Variants in ZNF385D observed in about 807,000 individuals in gnomAD.
ZNF385D encodes the protein zinc finger protein 385D, also known as zinc finger protein 659.
ZNF385D carries 15 observed loss-of-function variants against 35.8 expected under a neutral mutation model. That is an observed-to-expected ratio of 0.42 (90% CI 0.28 to 0.64). ZNF385D has a LOEUF of 0.64. ZNF385D is among the 30% of genes least tolerant of loss of function. ZNF385D has a pLI of 0.23. For synonymous variants in ZNF385D, 212 were observed against 186.8 expected (o/e 1.13, Z -1.10); for missense variants, 474 against 494.6 (o/e 0.96, Z 0.39).
chr3:21,776,597 G>A (rs1575630699), intron 3 of ZNF385D, among the ~76,000 whole-genome samples: 1 of 151,796 alleles, frequency 6.6e-6, no homozygotes, highest in African/African-American at 2.4e-5. Flanking sequence ...TTCTATTGAT[G>A]ATCATGTTTA....
intron 2 of ZNF385D, among the ~76,000 whole-genome samples, chr3:21,632,990 C>A (rs570267678): frequency 2.2e-4 from 34 of 151,948 alleles, no homozygotes; most frequent in Non-Finnish European, 4.4e-5. Flanking sequence ...ACATTTACTT[C>A]GAACAAATCT....
At chr3:21,602,679 C>T (rs984474066) in intron 2 of ZNF385D, among the ~76,000 whole-genome samples, 108 of 149,976 alleles carry the variant, frequency 7.2e-4, no homozygotes, top group African/African-American at 2.6e-3. Context: ...ACTACAGGCG[C>T]CCGCCACCGC....
At chr3:22,113,701 C>CA (rs946114219) in intron 3 of ZNF385D, among the ~76,000 whole-genome samples, 48 of 151,956 alleles carry the variant, frequency 3.2e-4, no homozygotes, top group Admixed American at 1.1e-3. Flanking sequence ...TGACCAAATA[C>CA]AAAAAAGATA....
intron 2 of ZNF385D, among the ~76,000 whole-genome samples, chr3:22,255,406 A>G (rs537352625): frequency 4.6e-5 from 7 of 151,974 alleles, no homozygotes; most frequent in African/African-American, 1.7e-4. Context: ...CAGATATGAA[A>G]TAACTTACTT....
intron 1 of ZNF385D, among the ~76,000 whole-genome samples, chr3:21,687,130 G>C (rs554929216): frequency 3.9e-5 from 6 of 152,240 alleles, no homozygotes; most frequent in African/African-American, 1.4e-4. Context: ...GAGAGTAAGA[G>C]GTTATACAAA....
At chr3:22,296,038 A>T (rs765526970) in intron 2 of ZNF385D, among the ~76,000 whole-genome samples, 1 of 152,174 alleles carries the variant, frequency 6.6e-6, no homozygotes, top group Non-Finnish European at 1.5e-5. Context: ...TGGCCCAGGG[A>T]AAAAGTACAA....
chr3:22,043,990 G>C (rs1293046906), intron 3 of ZNF385D, among the ~76,000 whole-genome samples: 1 of 151,972 alleles, frequency 6.6e-6, no homozygotes, highest in African/African-American at 2.4e-5. Context: ...AGGAACATTA[G>C]GTAGAAGTGA....
At chr3:21,595,945 A>G (rs895092619) in intron 2 of ZNF385D, among the ~76,000 whole-genome samples, 1 of 152,228 alleles carries the variant, frequency 6.6e-6, no homozygotes, top group African/African-American at 2.4e-5. Context: ...CTAAAACAAA[A>G]AAAGCACAAT....
At chr3:21,686,894 T>C (rs2067122278) in intron 1 of ZNF385D, among the ~76,000 whole-genome samples, 1 of 152,212 alleles carries the variant, frequency 6.6e-6, no homozygotes, top group Admixed American at 6.5e-5. Flanking sequence ...ACAAGTTAAA[T>C]ACAGCCACTA....
At chr3:21,848,723 A>G (rs1235099529) in intron 3 of ZNF385D, among the ~76,000 whole-genome samples, 1 of 152,086 alleles carries the variant, frequency 6.6e-6, no homozygotes, top group African/African-American at 2.4e-5. Flanking sequence ...ATAACTAGTA[A>G]GGAAACTGAA....
At chr3:21,770,304 C>G (rs1196913336) in intron 3 of ZNF385D, among the ~76,000 whole-genome samples, 2 of 152,094 alleles carry the variant, frequency 1.3e-5, no homozygotes, top group Non-Finnish European at 2.9e-5. Context: ...AACAGGCAAC[C>G]TACAGAATGG....
intron 4 of ZNF385D, among the ~76,000 whole-genome samples, chr3:21,490,407 C>T (rs981368527): frequency 6.6e-6 from 1 of 152,214 alleles, no homozygotes; most frequent in Middle Eastern, 3.4e-3. Context: ...AGGTTTAATT[C>T]CCACCTCACG....
At chr3:21,488,364 C>T (rs1575032742) in intron 4 of ZNF385D, among the ~76,000 whole-genome samples, 1 of 144,446 alleles carries the variant, frequency 6.9e-6, no homozygotes, top group East Asian at 2.1e-4. Context: ...CACACACACA[C>T]ATACACTTGG....
intron 2 of ZNF385D, among the ~76,000 whole-genome samples, chr3:22,302,423 A>G (rs527705716): frequency 1.3e-5 from 2 of 151,688 alleles, no homozygotes; most frequent in African/African-American, 2.4e-5. Context: ...TATGCAATTT[A>G]TTTTCCTCTT....
rs62239208 is a variant in ZNF385D at position 21,819,413 on chromosome 3, G to A, written c.326-154385C>T. ...ACAGAAAAAAATCTGAAAGTAAAAC[G>A]GTGAGAAAGTACATACCACCCAAAA... On this transcript the variant is annotated intron_variant, in intron 3 of 5. Transcript: ENST00000494108. Among the ~76,000 whole-genome samples, 11 of 150,764 alleles carry A rather than the reference G, an allele frequency of 7.3e-5. No individual in the cohort carries two copies. The East Asian group carries it at 1.8e-3, about 24-fold the overall frequency.
intron 3 of ZNF385D, among the ~76,000 whole-genome samples, chr3:21,551,816 A>G (rs1575159052): frequency 6.6e-6 from 1 of 152,284 alleles, no homozygotes; most frequent in Non-Finnish European, 1.5e-5. Flanking sequence ...AATTTATGAC[A>G]TTTTAAAAGT....
At chr3:22,161,480 T>G (rs1039668519) in intron 3 of ZNF385D, among the ~76,000 whole-genome samples, 2 of 152,072 alleles carry the variant, frequency 1.3e-5, no homozygotes, top group Admixed American at 6.6e-5. Context: ...AAGAGGAACT[T>G]AGTCATGCAG....
At chr3:21,429,199 T>TA (rs962651196) in intron 5 of ZNF385D, among the ~76,000 whole-genome samples, 12 of 151,604 alleles carry the variant, frequency 7.9e-5, no homozygotes, top group African/African-American at 9.7e-5. Context: ...AAGATAAATT[T>TA]AAAAAAAATT....
chr3:22,148,828 T>C (rs1057276667), intron 3 of ZNF385D, among the ~76,000 whole-genome samples: 1 of 152,190 alleles, frequency 6.6e-6, no homozygotes, highest in Non-Finnish European at 1.5e-5. Context: ...CAAACTATTC[T>C]GTCTGAGAAG....
Sources: gnomAD v4.1 joint callset for allele counts (sites outside exome capture counted in the v4.1 genomes callset) on GRCh38, gnomAD v4.1.1 for gene constraint, MANE v1.5 for transcripts, NCBI Gene and HGNC (gene_info 2026-07-23, HGNC 2026-07-21) for gene names.